TRAP1: variants seen among roughly 807,000 people sequenced by gnomAD.
TRAP1 encodes TNF receptor associated protein 1.
Under a neutral mutation model 89.1 loss-of-function variants are expected in TRAP1, and 102 were observed. That is an observed-to-expected ratio of 1.15 (90% CI 0.98 to 1.35). The LOEUF (loss-of-function observed/expected upper bound fraction) is 1.35. Ranked by LOEUF, TRAP1 falls within the 40% of genes most tolerant of loss-of-function variation. The probability of loss-of-function intolerance (pLI) is 0.00; values close to 1 mark genes in which losing one functional copy is unlikely to be tolerated. For missense variants in TRAP1, 1,256 were observed against 945.3 expected, an observed-to-expected ratio of 1.33 and a Z score of -4.31; for synonymous variants, 508 against 388.0, an observed-to-expected ratio of 1.31 and a Z score of -3.64.
chr16:3,671,640 A>G, intron 11 of TRAP1, 82 bp downstream of exon 11: 3 of 1,486,144 alleles, frequency 2.0e-6, no homozygotes, highest in Admixed American at 1.9e-5. Context: ...TCCATGGGCC[A>G]CGGCTAGGGC....
chr16:3,688,806 T>C (rs2051172623), intron 3 of TRAP1, among the ~76,000 whole-genome samples: 1 of 152,086 alleles, frequency 6.6e-6, no homozygotes, highest in Non-Finnish European at 1.5e-5. Context: ...ACTTTTAAAA[T>C]TATTGGCAAA....
At chr16:3,668,154 C>T (rs1023246791) in intron 11 of TRAP1, among the ~76,000 whole-genome samples, 9 of 152,048 alleles carry the variant, frequency 5.9e-5, no homozygotes, top group Non-Finnish European at 1.3e-4. Flanking sequence ...TAACTCCTGA[C>T]CTCGTGATCC....
In TRAP1 at chr16:3,677,551, G is replaced by C. The variant is rs139397817; in HGVS notation, c.651C>G (p.Val217=). 5.0e-5 allele frequency: 80 copies of C among 1,614,070 alleles called. No homozygotes were observed. The highest frequency in any genetic ancestry group is 6.6e-5 in the Non-Finnish European group (78 of 1,180,040). ...SAFMVADRVE[V]YSRSAAPGSL... ...TCCCCGGGGCTGCCGAGCGGGAATAGACCTCCACTCTGTCAGCCACCATGA... is the reference window on the plus strand; with the variant it reads ...TCCCCGGGGCTGCCGAGCGGGAATACACCTCCACTCTGTCAGCCACCATGA... Residue 217 remains valine, a synonymous_variant, in exon 6 of 18, where the codon GTC becomes GTG. Coordinates refer to ENST00000246957, the MANE Select transcript of TRAP1 (RefSeq NM_016292.3).
At chr16:3,675,616 C>G (rs564856963) in intron 7 of TRAP1, among the ~76,000 whole-genome samples, 1 of 152,284 alleles carries the variant, frequency 6.6e-6, no homozygotes, top group East Asian at 1.9e-4. Flanking sequence ...CTGTGGAGGC[C>G]CCGGCTGCTG....
At chr16:3,715,490 G>A (rs888155230) in intron 1 of TRAP1, among the ~76,000 whole-genome samples, 2 of 151,970 alleles carry the variant, frequency 1.3e-5, no homozygotes, top group Non-Finnish European at 2.9e-5. Flanking sequence ...AATGTCCCTG[G>A]GCTGAAAACT....
At chr16:3,690,240 A>C (rs1317525095) in intron 2 of TRAP1, among the ~76,000 whole-genome samples, 1 of 152,092 alleles carries the variant, frequency 6.6e-6, no homozygotes, top group Non-Finnish European at 1.5e-5. Flanking sequence ...ACTTGGCCTC[A>C]AGCAATCCTC....
chr16:3,672,036 A>G (rs576482450), intron 10 of TRAP1, among the ~76,000 whole-genome samples: 1 of 152,304 alleles, frequency 6.6e-6, no homozygotes, highest in East Asian at 1.9e-4. Context: ...CCTGGGCTTT[A>G]TGTTAAAAAT....
rs377592883 is a variant in TRAP1, at chr16:3,710,857, GTATATA to G, written c.88+6558_88+6563del. On this transcript the variant is annotated intron_variant, in intron 1 of 17. Coordinates refer to ENST00000246957, the MANE Select transcript of TRAP1 (RefSeq NM_016292.3). ...ATTAATTTCTTTTATATGTGTGTGT[GTATATA>G]TATATATATATATATATTTTTTTTT... 6.8e-4 allele frequency among the ~76,000 whole-genome samples: 92 copies of G among 135,604 alleles called. 3 individuals carry two copies. The highest frequency in any genetic ancestry group is 9.8e-4 in the Non-Finnish European group (64 of 65,272). 89.0% of individuals were successfully genotyped at this position (135,604 alleles called of 152,430 possible). A position where few individuals can be genotyped will look rare whatever the true frequency, so the allele number is the denominator to read the frequency against.
intron 5 of TRAP1, chr16:3,678,163 C>T (rs914959637): frequency 1.3e-5 from 2 of 153,714 alleles, no homozygotes; most frequent in African/African-American, 4.8e-5. Flanking sequence ...GTCCTAAGGC[C>T]AAAGTCAAGT....
chr16:3,662,115 G>T lies in TRAP1; in HGVS notation c.1812C>A (p.Asp604Glu), dbSNP rs1178539117. The change falls in exon 16 of 18, where the codon GAC (aspartate) becomes GAA (glutamate). Residue 604 changes from aspartate (D) to glutamate (E), a missense_variant. Coordinates refer to ENST00000246957, the MANE Select transcript of TRAP1 (RefSeq NM_016292.3). ...GCACGGTGACCATGGCAGGGTGGGTGTCCAGTCGGAGGGTCACCTGTGAGC... is the reference window on the plus strand; with the variant it reads ...GCACGGTGACCATGGCAGGGTGGGTTTCCAGTCGGAGGGTCACCTGTGAGC... ...VTNVKVTLRL[D>E]THPAMVTVLE... is the part of the protein sequence containing the mutation. 1 of 1,612,676 alleles carries T rather than the reference G, an allele frequency of 6.2e-7. No homozygotes were observed. The highest frequency in any genetic ancestry group is 2.2e-5 in the East Asian group (1 of 44,852).
Position 3,663,425 on chromosome 16 carries a change from T to TG in TRAP1, c.1706dup (p.Ala570SerfsTer115), listed in dbSNP as rs747370614. 6.8e-6 allele frequency: 11 copies of TG among 1,613,968 alleles called. No homozygotes were observed. In the African/African-American group the frequency reaches 1.1e-4, roughly 16 times the overall value. On this transcript the variant is annotated frameshift_variant and splice_region_variant, in exon 14 of 18. Transcript: ENST00000246957. LOFTEE classifies it high-confidence loss of function. ...GCCTAGAGAGCAGGGGATGCCGACC[T>TG]GGGGACCTGTCCTCAAACTTCTCCT...
chr16:3,686,505 CAG>C (rs1399779556), intron 3 of TRAP1, among the ~76,000 whole-genome samples: 5 of 152,170 alleles, frequency 3.3e-5, no homozygotes, highest in African/African-American at 1.2e-4. Flanking sequence ...TTTATAGACA[CAG>C]GGTCTCGCTA....
chr16:3,715,584 AAG>A (rs1209747998), intron 1 of TRAP1, among the ~76,000 whole-genome samples: 1 of 152,164 alleles, frequency 6.6e-6, no homozygotes, highest in Non-Finnish European at 1.5e-5. Flanking sequence ...ACAAACGACA[AAG>A]AGAAAAAATC....
chr16:3,687,655 A>G (rs2051154741), intron 3 of TRAP1, among the ~76,000 whole-genome samples: 1 of 152,084 alleles, frequency 6.6e-6, no homozygotes, highest in South Asian at 2.1e-4. Context: ...AGGCTGAAAC[A>G]GGCAGATCAC....
chr16:3,665,940 C>T (rs369967968), intron 12 of TRAP1, 31 bp downstream of exon 12: 10 of 1,596,834 alleles, frequency 6.3e-6, no homozygotes, highest in Non-Finnish European at 7.7e-6. Flanking sequence ...CAAGGTGGCC[C>T]AGAAAAAGGC....
intron 4 of TRAP1, among the ~76,000 whole-genome samples, chr16:3,685,095 G>A (rs971559859): frequency 1.2e-4 from 18 of 152,142 alleles, no homozygotes; most frequent in African/African-American, 3.9e-4. Context: ...CATCTGCAAG[G>A]AACCTCTGTG....
At chr16:3,672,858 C>G (rs984091065) in intron 9 of TRAP1, 38 bp from the exon 10 acceptor site, 1 of 1,591,550 alleles carries the variant, frequency 6.3e-7, no homozygotes, top group African/African-American at 1.3e-5. Flanking sequence ...GCAGCACTGA[C>G]CCTCCCCAGG....
In TRAP1 at chr16:3,688,550, G is replaced by T. The variant is rs1203784721; in HGVS notation, c.330+505C>A. On this transcript the variant is annotated intron_variant, in intron 3 of 17. Coordinates refer to ENST00000246957, the MANE Select transcript of TRAP1 (RefSeq NM_016292.3). ...CAGGTCAGTGTAGTAACACAATCAT[G>T]GCTCACTGCAGCCCCAAAGTCTGCC... 5.9e-5 allele frequency among the ~76,000 whole-genome samples: 9 copies of T among 152,096 alleles called. No individual in the cohort carries two copies. The East Asian group carries it at 1.7e-3, about 29-fold the overall frequency.
intron 1 of TRAP1, among the ~76,000 whole-genome samples, chr16:3,707,119 T>G (rs1426817515): frequency 6.6e-6 from 1 of 152,154 alleles, no homozygotes; most frequent in African/African-American, 2.4e-5. Flanking sequence ...CACTGTAGTT[T>G]TGCTTTGCAG....
Sources: gnomAD v4.1 joint callset for allele counts (sites outside exome capture counted in the v4.1 genomes callset) on GRCh38, gnomAD v4.1.1 for gene constraint, MANE v1.5 for transcripts, NCBI Gene and HGNC (gene_info 2026-07-23, HGNC 2026-07-21) for gene names.